Variants in CCSER1 observed in about 807,000 individuals in gnomAD.
CCSER1 encodes the protein serine-rich coiled-coil domain-containing protein 1.
A neutral mutation model predicts 82.0 loss-of-function variants in CCSER1; 41 were observed. That is an observed-to-expected ratio of 0.50 (90% CI 0.39 to 0.65). CCSER1 has a LOEUF of 0.65. Among genes scored for constraint, CCSER1 ranks in the 30% least tolerant of loss-of-function variants. The pLI, the probability that CCSER1 is intolerant of heterozygous loss-of-function variation, is 0.00. For missense variants in CCSER1, 1,119 were observed against 1,064.2 expected, an observed-to-expected ratio of 1.05 and a Z score of -0.72; for synonymous variants, 414 against 383.9, an observed-to-expected ratio of 1.08 and a Z score of -0.92.
At chr4:91,151,975 A>T (rs1730258288) in intron 10 of CCSER1, among the ~76,000 whole-genome samples, 1 of 152,200 alleles carries the variant, frequency 6.6e-6, no homozygotes, top group Non-Finnish European at 1.5e-5. Context: ...AGAGTTCTGT[A>T]GATGTCTATT....
At chr4:90,167,938 T>C (rs1299704489) in intron 1 of CCSER1, among the ~76,000 whole-genome samples, 2 of 152,134 alleles carry the variant, frequency 1.3e-5, no homozygotes, top group Non-Finnish European at 1.5e-5. Context: ...TAAACATACG[T>C]GTGCATGTGT....
At chr4:90,313,789 A>G (rs1348863668) in intron 3 of CCSER1, among the ~76,000 whole-genome samples, 1 of 152,122 alleles carries the variant, frequency 6.6e-6, no homozygotes, top group African/African-American at 2.4e-5. Flanking sequence ...AGGTTTCACA[A>G]GTATTAGAGT....
Position 90,309,370 on chromosome 4 carries a change from C to G in CCSER1, c.1086C>G (p.His362Gln), listed in dbSNP as rs372479561. 7 of 1,613,674 alleles carry G rather than the reference C, an allele frequency of 4.3e-6. No individual in the cohort carries two copies. The African/African-American group carries it at 6.7e-5, about 15-fold the overall frequency. Residue 362 changes from histidine to glutamine, a missense_variant, in exon 2 of 11, where the codon CAC (histidine) becomes CAG (glutamine). Transcript: ENST00000509176. ...IAELPATSVS[H>Q]SESNLPADSE... Reference sequence around the variant, plus strand: ...AACTACCTGCTACAAGTGTGAGCCACTCAGAGAGTAACCTACCAGCAGATA... The same window carrying G: ...AACTACCTGCTACAAGTGTGAGCCAGTCAGAGAGTAACCTACCAGCAGATA...
chr4:90,462,497 A>T (rs566178926), intron 4 of CCSER1, among the ~76,000 whole-genome samples: 7 of 152,310 alleles, frequency 4.6e-5, no homozygotes, highest in African/African-American at 1.7e-4. Flanking sequence ...TGTAGAGAAG[A>T]TATTTTCACA....
At chr4:90,750,660 A>T (rs926551519) in intron 7 of CCSER1, among the ~76,000 whole-genome samples, 1 of 152,172 alleles carries the variant, frequency 6.6e-6, no homozygotes, top group Non-Finnish European at 1.5e-5. Context: ...TTTAGTATTA[A>T]TGTTCATTTT....
chr4:90,947,835 T>C (rs1407822046), intron 9 of CCSER1, among the ~76,000 whole-genome samples: 5 of 152,146 alleles, frequency 3.3e-5, no homozygotes, highest in African/African-American at 1.2e-4. Flanking sequence ...CCAAACAATA[T>C]GCTTTGCTTG....
chr4:90,573,542 A>G (rs1780358626), intron 5 of CCSER1, among the ~76,000 whole-genome samples: 3 of 152,084 alleles, frequency 2.0e-5, no homozygotes. Flanking sequence ...AGTCTTTTCT[A>G]ATTTCTTCAA....
At chr4:90,937,156 A>T (rs761962216) in intron 9 of CCSER1, among the ~76,000 whole-genome samples, 7 of 152,166 alleles carry the variant, frequency 4.6e-5, no homozygotes, top group Non-Finnish European at 7.3e-5. Context: ...CAGAAAGATG[A>T]CATTAAGAGA....
intron 10 of CCSER1, among the ~76,000 whole-genome samples, chr4:91,525,148 G>T (rs1294220866): frequency 6.6e-6 from 1 of 152,060 alleles, no homozygotes; most frequent in Non-Finnish European, 1.5e-5. Flanking sequence ...TAAGATAGTT[G>T]AGGCTAATTG....
At chr4:91,594,370 CATAT>C (rs754882614) in intron 10 of CCSER1, among the ~76,000 whole-genome samples, 5 of 136,056 alleles carry the variant, frequency 3.7e-5, no homozygotes, top group African/African-American at 1.1e-4. Flanking sequence ...TATATATACA[CATAT>C]ATATACACAC....
At chr4:90,903,095 T>G (rs545718510) in intron 8 of CCSER1, among the ~76,000 whole-genome samples, 1 of 152,264 alleles carries the variant, frequency 6.6e-6, no homozygotes, top group South Asian at 2.1e-4. Flanking sequence ...ACTACATTCT[T>G]GATCATAAAC....
intron 10 of CCSER1, among the ~76,000 whole-genome samples, chr4:91,511,872 A>G (rs910932390): frequency 2.0e-5 from 3 of 152,196 alleles, no homozygotes; most frequent in African/African-American, 7.2e-5. Flanking sequence ...TAAAGTACAC[A>G]ATAAATGTAA....
chr4:90,603,266 A>G (rs890863565), intron 5 of CCSER1, among the ~76,000 whole-genome samples: 6 of 152,242 alleles, frequency 3.9e-5, no homozygotes, highest in Non-Finnish European at 7.3e-5. Flanking sequence ...AGACAGAGCC[A>G]GGTAAGCTGA....
rs538616482 is a variant in CCSER1, at chr4:91,379,062, T to C, written c.2218-219510T>C. 2.0e-5 allele frequency among the ~76,000 whole-genome samples: 3 copies of C among 152,354 alleles called. No homozygotes were observed. In the South Asian group the frequency reaches 6.2e-4, roughly 32 times the overall value. On this transcript the variant is annotated intron_variant, in intron 10 of 10. Coordinates refer to ENST00000509176, the MANE Select transcript of CCSER1 (RefSeq NM_001145065.2). ...ATATGCTGGATTATGTTTATTGATT[T>C]GCATATGTTGAACCAGCCTTGCATC...
At chr4:90,355,246 G>C (rs1391862035) in intron 3 of CCSER1, among the ~76,000 whole-genome samples, 2 of 151,750 alleles carry the variant, frequency 1.3e-5, no homozygotes, top group Non-Finnish European at 2.9e-5. Context: ...TTATCAAATA[G>C]ATACATTTCC....
At chr4:90,230,075 T>C (rs1744141297) in intron 1 of CCSER1, among the ~76,000 whole-genome samples, 1 of 152,086 alleles carries the variant, frequency 6.6e-6, no homozygotes, top group Non-Finnish European at 1.5e-5. Context: ...GACAGAAAGT[T>C]AGCAAGGATA....
Position 90,772,631 on chromosome 4 carries a change from A to C in CCSER1, c.2011-43131A>C, listed in dbSNP as rs191987570. ...GCTTAAGTTAATGTAGAATTCAAAC[A>C]TTTGAGTTCTGTTGTAGCAGATAAA... On this transcript the variant is annotated intron_variant, in intron 7 of 10. Transcript: ENST00000509176. 3.3e-5 allele frequency among the ~76,000 whole-genome samples: 5 copies of C among 152,290 alleles called. No individual in the cohort carries two copies. In the East Asian group the frequency reaches 9.7e-4, roughly 29 times the overall value.
At chr4:90,325,675 C>T (rs1381336411) in intron 3 of CCSER1, 1 of 446,942 alleles carries the variant, frequency 2.2e-6, no homozygotes. Context: ...AAACTAACTA[C>T]CTGTTCTGAG....
At chr4:90,406,616 G>A (rs1753772948) in intron 4 of CCSER1, among the ~76,000 whole-genome samples, 1 of 152,112 alleles carries the variant, frequency 6.6e-6, no homozygotes, top group Admixed American at 6.5e-5. Context: ...CACTAAACAA[G>A]TCTCAGTAAA....
Sources: allele counts gnomAD v4.1 joint callset (sites outside exome capture counted in the v4.1 genomes callset), GRCh38; gene constraint gnomAD v4.1.1; transcripts MANE v1.5; gene names NCBI Gene and HGNC (gene_info 2026-07-23, HGNC 2026-07-21).